Variants in DPYD observed in about 807,000 individuals in gnomAD.
DPYD encodes the protein dihydropyrimidine dehydrogenase, also known as dihydropyrimidine dehydrogenase [NADP(+)].
DPYD carries 109 observed loss-of-function variants against 116.2 expected under a neutral mutation model. That is an observed-to-expected ratio of 0.94 (90% confidence interval 0.80 to 1.10). The LOEUF is 1.10. Ranked by LOEUF, DPYD falls within the 50% of genes least tolerant of loss-of-function variation. The probability of loss-of-function intolerance (pLI) is 0.00; values close to 1 mark genes in which losing one functional copy is unlikely to be tolerated. For missense variants in DPYD, 1,302 were observed against 1,254.5 expected (o/e 1.04, Z -0.57); for synonymous variants, 440 against 432.0 (o/e 1.02, Z -0.23).
At chr1:97,860,514 G>A (rs1000965766) in intron 2 of DPYD, among the ~76,000 whole-genome samples, 1 of 152,128 alleles carries the variant, frequency 6.6e-6, no homozygotes, top group Non-Finnish European at 1.5e-5. Context: ...ACACATAGCA[G>A]AGAATTATGC....
chr1:97,101,335 C>T (rs1650665857), intron 20 of DPYD, among the ~76,000 whole-genome samples: 1 of 151,668 alleles, frequency 6.6e-6, no homozygotes, highest in East Asian at 1.9e-4. Context: ...GGTCCTAAGG[C>T]TATTTAAGTA....
At position 97,278,041 on chromosome 1, in the gene DPYD, C is replaced by A. The variant is rs1241311356; in HGVS notation, c.2299+27218G>T. On this transcript the variant is annotated intron_variant, in intron 18 of 22. Transcript: ENST00000370192. ...TTTAGTTTGTGATTGCCTAGTTCAC[C>A]TTATGTGACTAACTCTGACTAATGT... 2.6e-5 allele frequency among the ~76,000 whole-genome samples: 4 copies of A among 152,174 alleles called. No homozygotes were observed. The East Asian group carries it at 7.7e-4, about 29-fold the overall frequency.
intron 11 of DPYD, among the ~76,000 whole-genome samples, chr1:97,564,671 T>C (rs1053395479): frequency 2.0e-5 from 3 of 152,130 alleles, no homozygotes. Flanking sequence ...AACACCTGTT[T>C]ACCTCCCAGC....
At chr1:97,671,028 G>A (rs1322280044) in intron 8 of DPYD, among the ~76,000 whole-genome samples, 1 of 151,864 alleles carries the variant, frequency 6.6e-6, no homozygotes, top group Non-Finnish European at 1.5e-5. Context: ...GAAGGTAAAT[G>A]CAAAGAAGAT....
chr1:97,296,866 T>C (rs1258549246), intron 18 of DPYD, among the ~76,000 whole-genome samples: 2 of 152,134 alleles, frequency 1.3e-5, no homozygotes, highest in Non-Finnish European at 2.9e-5. Context: ...GTTTATGAAT[T>C]TTTAAATGGG....
chr1:97,904,518 AG>A (rs1315736383), intron 1 of DPYD, among the ~76,000 whole-genome samples: 1 of 152,004 alleles, frequency 6.6e-6, no homozygotes, highest in African/African-American at 2.4e-5. Context: ...TCTACCAAAA[AG>A]AAAAAAGGTT....
chr1:97,787,463 A>G (rs1363352639), intron 3 of DPYD, among the ~76,000 whole-genome samples: 1 of 152,338 alleles, frequency 6.6e-6, no homozygotes, highest in East Asian at 1.9e-4. Flanking sequence ...TTCCCCTGCT[A>G]GTCTGTAATA....
chr1:97,546,092 G>C, intron 12 of DPYD: 1 of 1,417,704 alleles, frequency 7.1e-7, no homozygotes, highest in South Asian at 1.1e-5. Flanking sequence ...TTACAGTGCT[G>C]GTTAAGTTGA....
At chr1:97,306,368 A>G (rs900452775) in intron 16 of DPYD, 71 bp from the exon 17 acceptor site, 7 of 1,598,930 alleles carry the variant, frequency 4.4e-6, no homozygotes, top group South Asian at 1.1e-5. Context: ...CTGGAACAAC[A>G]GCAAAGCTGG....
chr1:97,423,689 C>G (rs1382129233), intron 14 of DPYD, among the ~76,000 whole-genome samples: 1 of 152,052 alleles, frequency 6.6e-6, no homozygotes, highest in African/African-American at 2.4e-5. Context: ...ACTGGCCCAC[C>G]AAATCATGCA....
intron 8 of DPYD, among the ~76,000 whole-genome samples, chr1:97,633,099 G>A (rs1314949644): frequency 4.6e-5 from 7 of 151,972 alleles, no homozygotes; most frequent in Non-Finnish European, 1.0e-4. Flanking sequence ...TTGATTAAAA[G>A]CCAAAAAAAT....
intron 14 of DPYD, among the ~76,000 whole-genome samples, chr1:97,424,358 C>T (rs1570712303): frequency 6.6e-6 from 1 of 151,926 alleles, no homozygotes; most frequent in South Asian, 2.1e-4. Context: ...TCTCTTTCAC[C>T]TCCTGAATAG....
At chr1:97,441,987 T>A (rs571523491) in intron 14 of DPYD, among the ~76,000 whole-genome samples, 50 of 152,254 alleles carry the variant, frequency 3.3e-4, no homozygotes, top group African/African-American at 1.1e-3. Flanking sequence ...GTTTTCCAGT[T>A]TGGCTGGCAA....
chr1:97,902,566 A>C (rs1010103651), intron 1 of DPYD, among the ~76,000 whole-genome samples: 2 of 151,802 alleles, frequency 1.3e-5, no homozygotes, highest in Non-Finnish European at 2.9e-5. Context: ...TTTCCATTGA[A>C]ATGTTATTCA....
intron 10 of DPYD, among the ~76,000 whole-genome samples, chr1:97,589,812 T>C (rs541036273): frequency 6.6e-6 from 1 of 152,002 alleles, no homozygotes; most frequent in African/African-American, 2.4e-5. Flanking sequence ...CACCCAAGAG[T>C]CCATGACCAT....
chr1:97,503,530 T>C, intron 13 of DPYD, among the ~76,000 whole-genome samples: 1 of 152,000 alleles, frequency 6.6e-6, no homozygotes, highest in East Asian at 1.9e-4. Context: ...TAGATGGCTT[T>C]GTCGAAGCTT....
intron 3 of DPYD, among the ~76,000 whole-genome samples, chr1:97,812,629 T>C (rs1668393239): frequency 6.6e-6 from 1 of 152,106 alleles, no homozygotes; most frequent in African/African-American, 2.4e-5. Flanking sequence ...TGGAGAGGTA[T>C]TCATGGTCCT....
At chr1:97,904,047 G>A (rs1673491064) in intron 1 of DPYD, among the ~76,000 whole-genome samples, 1 of 151,762 alleles carries the variant, frequency 6.6e-6, no homozygotes, top group African/African-American at 2.4e-5. Context: ...CAGCAACAGA[G>A]GCTGTATTTA....
At chr1:97,157,245 A>G (rs1655536837) in intron 20 of DPYD, among the ~76,000 whole-genome samples, 1 of 151,846 alleles carries the variant, frequency 6.6e-6, no homozygotes. Context: ...GTGCACATGT[A>G]CCCTAAAACT....
Sources: gnomAD v4.1 joint callset for allele counts (sites outside exome capture counted in the v4.1 genomes callset) on GRCh38, gnomAD v4.1.1 for gene constraint, MANE v1.5 for transcripts, NCBI Gene and HGNC (gene_info 2026-07-23, HGNC 2026-07-21) for gene names.